Variants in CRB1 observed in about 807,000 individuals in gnomAD.
CRB1 encodes the protein crumbs cell polarity complex component 1.
Under a neutral mutation model 120.0 loss-of-function variants are expected in CRB1, and 83 were observed. The ratio of observed to expected loss-of-function variants is 0.69; its 90% CI spans 0.58 to 0.83. The LOEUF is 0.83. CRB1 is among the 40% of genes least tolerant of loss of function. The pLI, the probability that CRB1 is intolerant of heterozygous loss-of-function variation, is 0.00. For missense variants in CRB1, 1,699 were observed against 1,687.6 expected (o/e 1.01, Z -0.12); for synonymous variants, 625 against 612.5 (o/e 1.02, Z -0.30).
At chr1:197,445,117 A>G (rs577275209) in intron 11 of CRB1, among the ~76,000 whole-genome samples, 1 of 152,342 alleles carries the variant, frequency 6.6e-6, no homozygotes, top group East Asian at 1.9e-4. Context: ...TGTCCCTGCC[A>G]AAGCTAGCCA....
At chr1:197,397,891 G>A (rs1571469523) in intron 5 of CRB1, among the ~76,000 whole-genome samples, 2 of 152,008 alleles carry the variant, frequency 1.3e-5, no homozygotes, top group African/African-American at 2.4e-5. Context: ...GGTGGTAGTC[G>A]CACAGTGTAT....
intron 4 of CRB1, among the ~76,000 whole-genome samples, chr1:197,353,875 A>G (rs1190425988): frequency 6.7e-5 from 10 of 149,642 alleles, no homozygotes; most frequent in African/African-American, 2.2e-4. Flanking sequence ...AAAACACTTG[A>G]TATTATCCTA....
At chr1:197,370,309 ATACTC>A (rs1661305646) in intron 5 of CRB1, among the ~76,000 whole-genome samples, 1 of 152,184 alleles carries the variant, frequency 6.6e-6, no homozygotes, top group Non-Finnish European at 1.5e-5. Context: ...GACTTAAACT[ATACTC>A]TAAAACAAAT....
intron 1 of CRB1, among the ~76,000 whole-genome samples, chr1:197,288,262 A>G (rs1419940295): frequency 6.6e-6 from 1 of 151,850 alleles, no homozygotes; most frequent in Non-Finnish European, 1.5e-5. Flanking sequence ...CCCAGCACTC[A>G]CAGAGGGCCA....
chr1:197,339,203 A>G (rs2125320510), intron 2 of CRB1, among the ~76,000 whole-genome samples: 1 of 152,334 alleles, frequency 6.6e-6, no homozygotes, highest in Admixed American at 6.5e-5. Flanking sequence ...ATCTTGCTAA[A>G]CATTGTTATG....
rs368336603 is a variant in CRB1 at position 197,421,747 on chromosome 1, T to C, written c.1919T>C (p.Val640Ala). Reference protein sequence around the residue: ...FYNMPSTPSFVGCLQDIKIDW... With the variant: ...FYNMPSTPSFAGCLQDIKIDW... ...AATATGCCATCCACACCTTCGTTTG[T>C]AGGCTGTCTCCAAGACATTAAAATT... is the stretch of plus-strand genomic sequence containing the variant. The change falls in exon 6 of 12, where the codon GTA becomes GCA. Residue 640 changes from valine to alanine, a missense_variant. By Grantham distance (64) the Val-to-Ala change is moderately conservative. Coordinates refer to ENST00000367400, the MANE Select transcript of CRB1 (RefSeq NM_201253.3). The C allele has an allele frequency of 1.2e-6, 2 of 1,614,062 alleles. No homozygotes were observed. The highest frequency in any genetic ancestry group is 1.3e-5 in the African/African-American group (1 of 74,936).
chr1:197,461,321 A>G (rs536047706), intron 11 of CRB1, among the ~76,000 whole-genome samples: 111 of 152,202 alleles, frequency 7.3e-4, no homozygotes, highest in African/African-American at 2.6e-3. Context: ...GGAGTATTTC[A>G]TAGGATTCCC....
At chr1:197,233,937 T>C in the CRB1 span, among the ~76,000 whole-genome samples, 1 of 152,314 alleles carries the variant, frequency 6.6e-6, no homozygotes, top group Non-Finnish European at 1.5e-5. Flanking sequence ...TGTGATTTGC[T>C]TAATCCCTTG....
At chr1:197,228,154 C>T in the CRB1 span, among the ~76,000 whole-genome samples, 2 of 152,186 alleles carry the variant, frequency 1.3e-5, no homozygotes, top group East Asian at 1.9e-4. Flanking sequence ...TCCCTGGAGA[C>T]ATTTTCCCCC....
At chr1:197,433,644 G>A (rs570315460) in intron 8 of CRB1, among the ~76,000 whole-genome samples, 1 of 152,158 alleles carries the variant, frequency 6.6e-6, no homozygotes, top group East Asian at 1.9e-4. Context: ...ACTGTTTCGT[G>A]TGTATTTTTA....
chr1:197,453,085 A>G (rs1463209206), intron 11 of CRB1, among the ~76,000 whole-genome samples: 1 of 151,898 alleles, frequency 6.6e-6, no homozygotes, highest in Non-Finnish European at 1.5e-5. Context: ...GGAATGAACC[A>G]GAAGTACATT....
At chr1:197,464,180 T>G (rs776770566) in intron 11 of CRB1, among the ~76,000 whole-genome samples, 3 of 152,164 alleles carry the variant, frequency 2.0e-5, no homozygotes, top group Non-Finnish European at 2.9e-5. Flanking sequence ...GCAGATGGCT[T>G]CCTTTTACAC....
At chr1:197,438,274 A>G (rs1042301763) in intron 9 of CRB1, among the ~76,000 whole-genome samples, 1 of 152,134 alleles carries the variant, frequency 6.6e-6, no homozygotes, top group African/African-American at 2.4e-5. Context: ...CCCAAAATTT[A>G]TTGCCACCCC....
intron 11 of CRB1, among the ~76,000 whole-genome samples, chr1:197,448,879 C>T (rs12047783): frequency 6.6e-6 from 1 of 152,348 alleles, no homozygotes; most frequent in East Asian, 1.9e-4. Context: ...TAACTCAGCT[C>T]TACAAATGTC....
intron 1 of CRB1, among the ~76,000 whole-genome samples, chr1:197,299,845 T>G (rs1656763801): frequency 6.6e-6 from 1 of 151,650 alleles, no homozygotes; most frequent in African/African-American, 2.4e-5. Context: ...TTTCACAAAT[T>G]GAAAGTTTGT....
chr1:197,203,002 GGA>G, the CRB1 span, among the ~76,000 whole-genome samples: 63 of 147,464 alleles, frequency 4.3e-4, no homozygotes, highest in African/African-American at 1.2e-3. Context: ...TGTGTGTGAC[GGA>G]GAGAGAGAGA....
At chr1:197,392,812 A>C (rs972888598) in intron 5 of CRB1, among the ~76,000 whole-genome samples, 3 of 152,120 alleles carry the variant, frequency 2.0e-5, no homozygotes, top group Non-Finnish European at 4.4e-5. Context: ...CTGTCCTTGC[A>C]AAGGAATTAA....
At chr1:197,307,381 T>G (rs1219679215) in intron 1 of CRB1, among the ~76,000 whole-genome samples, 1 of 152,188 alleles carries the variant, frequency 6.6e-6, no homozygotes, top group Non-Finnish European at 1.5e-5. Context: ...TCTGTTAAGT[T>G]TAATGAATAT....
At chr1:197,471,796 C>T (rs1014409888) in intron 11 of CRB1, among the ~76,000 whole-genome samples, 2 of 152,092 alleles carry the variant, frequency 1.3e-5, no homozygotes, top group African/African-American at 4.8e-5. Context: ...TGGAAACGGC[C>T]GCTTCTAACA....
Sources: gnomAD v4.1 joint callset for allele counts (sites outside exome capture counted in the v4.1 genomes callset) on GRCh38, gnomAD v4.1.1 for gene constraint, MANE v1.5 for transcripts, NCBI Gene and HGNC (gene_info 2026-07-23, HGNC 2026-07-21) for gene names.